The following FLRT1 variants were observed in gnomAD, a reference collection of about 807,000 sequenced individuals.
The protein encoded by FLRT1 is leucine-rich repeat transmembrane protein FLRT1.
In FLRT1, 14 loss-of-function variants were observed where a neutral mutation model predicts 30.9. The ratio of observed to expected loss-of-function variants is 0.45; its 90% CI spans 0.30 to 0.71. The LOEUF is 0.71. FLRT1 is among the 30% of genes least tolerant of loss of function. The probability of loss-of-function intolerance (pLI) is 0.08; values close to 1 mark genes in which losing one functional copy is unlikely to be tolerated. For synonymous variants in FLRT1, 368 were observed against 430.4 expected (o/e 0.85, Z 1.80); for missense variants, 737 against 949.2 (o/e 0.78, Z 2.94).
At chr11:64,044,206 T>C (rs1943542143) in intron 1 of FLRT1, among the ~76,000 whole-genome samples, 1 of 151,774 alleles carries the variant, frequency 6.6e-6, no homozygotes, top group African/African-American at 2.4e-5. Flanking sequence ...CTGACATTTA[T>C]ATCACACTTA....
chr11:64,052,025 A>C (rs1355563900), intron 1 of FLRT1, among the ~76,000 whole-genome samples: 5 of 148,600 alleles, frequency 3.4e-5, no homozygotes, highest in Non-Finnish European at 7.5e-5. Flanking sequence ...TTGCTAATGA[A>C]CTTGGCTGGT....
chr11:64,092,509 G>A (rs886273800), intron 1 of FLRT1, among the ~76,000 whole-genome samples: 1 of 152,226 alleles, frequency 6.6e-6, no homozygotes, highest in African/African-American at 2.4e-5. Context: ...CAGCATCCAC[G>A]ATGGGAGGAG....
chr11:64,066,976 A>G (rs1944016918), intron 1 of FLRT1, among the ~76,000 whole-genome samples: 1 of 152,206 alleles, frequency 6.6e-6, no homozygotes, highest in African/African-American at 2.4e-5. Flanking sequence ...CACAGAGCCC[A>G]GCTGGCATCC....
rs764534225 is a variant in FLRT1 at position 64,117,857 on chromosome 11, C to T, written c.1590C>T (p.Ala530=). ...ETPVCAKAET[A]DSYGPTTTLN... ...CCGTGTGTGCCAAGGCAGAGACAGC[C>T]GACAGCTATGGCCCTACCACCACAC... The change falls in exon 3 of 3, where the codon GCC becomes GCT. Residue 530 remains alanine, a synonymous_variant. Coordinates refer to ENST00000682287, the MANE Select transcript of FLRT1 (RefSeq NM_013280.5). The T allele has an allele frequency of 9.9e-6, 16 of 1,614,048 alleles. No homozygotes were observed. Among genetic ancestry groups the T allele is most frequent in the East Asian group, 8.9e-5 (4 of 44,898 alleles).
intron 1 of FLRT1, among the ~76,000 whole-genome samples, chr11:64,097,154 G>C (rs1944591207): frequency 6.6e-6 from 1 of 152,224 alleles, no homozygotes; most frequent in South Asian, 2.1e-4. Flanking sequence ...TTCAGCTAGG[G>C]AACCCTCCCC....
intron 1 of FLRT1, among the ~76,000 whole-genome samples, chr11:64,045,271 C>G (rs59863478): frequency 6.6e-6 from 1 of 152,180 alleles, no homozygotes; most frequent in South Asian, 2.1e-4. Flanking sequence ...GGCGGCCTGC[C>G]GTCACAGAGC....
intron 2 of FLRT1, among the ~76,000 whole-genome samples, chr11:64,115,926 G>A (rs1944970068): frequency 1.3e-5 from 2 of 152,196 alleles, no homozygotes; most frequent in Admixed American, 1.3e-4. Context: ...CTGAGGCTCC[G>A]GATCACATTC....
intron 1 of FLRT1, among the ~76,000 whole-genome samples, chr11:64,050,922 G>T (rs1943681603): frequency 6.6e-6 from 1 of 152,202 alleles, no homozygotes; most frequent in African/African-American, 2.4e-5. Context: ...CCCGGCCACA[G>T]CCTTGCTTTT....
At chr11:64,046,343 A>C (rs557747417) in intron 1 of FLRT1, among the ~76,000 whole-genome samples, 1 of 152,200 alleles carries the variant, frequency 6.6e-6, no homozygotes, top group Non-Finnish European at 1.5e-5. Flanking sequence ...GAGGAAACAG[A>C]GGCTTACAGA....
chr11:64,102,054 G>C (rs556814770), intron 1 of FLRT1, among the ~76,000 whole-genome samples: 3 of 152,142 alleles, frequency 2.0e-5, no homozygotes, highest in Non-Finnish European at 2.9e-5. Flanking sequence ...ATTTGTAACG[G>C]CCTCTGACAA....
intron 2 of FLRT1, among the ~76,000 whole-genome samples, chr11:64,115,869 A>C (rs1293522622): frequency 2.0e-5 from 3 of 152,200 alleles, no homozygotes; most frequent in African/African-American, 7.2e-5. Context: ...TGAAGTCTTG[A>C]GAGAAGAAAC....
At chr11:64,045,897 G>C (rs1356020371) in intron 1 of FLRT1, among the ~76,000 whole-genome samples, 1 of 152,114 alleles carries the variant, frequency 6.6e-6, no homozygotes, top group Non-Finnish European at 1.5e-5. Context: ...GACCAGCCTG[G>C]GCAACATAGC....
chr11:64,117,920 G>T lies in FLRT1; in HGVS notation c.1653G>T (p.Leu551=). 6.2e-7 allele frequency: 1 copy of T among 1,613,896 alleles called. No homozygotes were observed. The highest frequency in any genetic ancestry group is 8.5e-7 in the Non-Finnish European group (1 of 1,179,966). The change falls in exon 3 of 3, where the codon CTG becomes CTT. Residue 551 remains leucine (L), a synonymous_variant. Coordinates refer to ENST00000682287, the MANE Select transcript of FLRT1 (RefSeq NM_013280.5). The stretch of plus-strand genomic sequence containing the variant: ...AGAACGCTGGCCCCATGGCGAGCCT[G>T]CCCCTGGCGGGCATCATCGGCGGGG... ...QEQNAGPMAS[L]PLAGIIGGAV... is the part of the protein sequence containing the mutation.
intron 1 of FLRT1, among the ~76,000 whole-genome samples, chr11:64,042,956 C>T (rs1003428056): frequency 2.0e-5 from 3 of 152,216 alleles, no homozygotes; most frequent in East Asian, 1.9e-4. Flanking sequence ...AGTGGAGACA[C>T]GCCCTGTCCA....
chr11:64,059,545 T>C (rs1193292852), intron 1 of FLRT1, among the ~76,000 whole-genome samples: 9 of 152,142 alleles, frequency 5.9e-5, no homozygotes, highest in Admixed American at 5.9e-4. Context: ...TGCAGGGTAC[T>C]TCCACCCTCA....
At chr11:64,110,612 T>C (rs1254205392) in intron 2 of FLRT1, among the ~76,000 whole-genome samples, 1 of 151,824 alleles carries the variant, frequency 6.6e-6, no homozygotes, top group Non-Finnish European at 1.5e-5. Flanking sequence ...GGAGGAGTAA[T>C]GGACACCTAC....
rs144841249 is a variant in FLRT1, at chr11:64,086,729, G to A, written c.-1037-16465G>A. On this transcript the variant is annotated intron_variant, in intron 1 of 2. Coordinates refer to ENST00000682287, the MANE Select transcript of FLRT1 (RefSeq NM_013280.5). ...AAGGGCATGAAGAAGGAAGGTTCTC[G>A]TGCTCACAGTACAGAGATGTAGACA... is the stretch of plus-strand genomic sequence containing the variant. 3.7e-3 allele frequency among the ~76,000 whole-genome samples: 566 copies of A among 152,272 alleles called. 9 individuals carry two copies. Among genetic ancestry groups the A allele is most frequent in the African/African-American group, 0.013 (544 of 41,550 alleles).
At chr11:64,091,749 G>T (rs1472024952) in intron 1 of FLRT1, among the ~76,000 whole-genome samples, 1 of 152,164 alleles carries the variant, frequency 6.6e-6, no homozygotes. Flanking sequence ...GCACTGTCCT[G>T]TCCCCTCCAG....
chr11:64,117,509 CA>C lies in FLRT1; in HGVS notation c.1246del (p.Arg416GlyfsTer28). Reference sequence around the variant, plus strand: ...AGGGTTCCCTGTTTACCCTCAAGGCCAAAAGGCCAGGGCTGCGCCTCCCCGA... The same window carrying C: ...AGGGTTCCCTGTTTACCCTCAAGGCCAAAGGCCAGGGCTGCGCCTCCCCGA... ...PQGSLFTLKA[K>X]RPGLRLPDSN... On this transcript the variant is annotated frameshift_variant, in exon 3 of 3. Coordinates refer to ENST00000682287, the MANE Select transcript of FLRT1 (RefSeq NM_013280.5). LOFTEE classifies it high-confidence loss of function. 6.2e-7 allele frequency: 1 copy of C among 1,608,988 alleles called. No homozygotes were observed. Among genetic ancestry groups the C allele is most frequent in the Non-Finnish European group, 8.5e-7 (1 of 1,176,738 alleles).
Sources: gnomAD v4.1 joint callset for allele counts (sites outside exome capture counted in the v4.1 genomes callset) on GRCh38, gnomAD v4.1.1 for gene constraint, MANE v1.5 for transcripts, NCBI Gene and HGNC (gene_info 2026-07-23, HGNC 2026-07-21) for gene names.